TIAM2: variants seen among roughly 807,000 people sequenced by gnomAD.
The protein encoded by TIAM2 is rho guanine nucleotide exchange factor TIAM2.
Under a neutral mutation model 152.9 loss-of-function variants are expected in TIAM2, and 80 were observed. The observed-to-expected ratio is 0.52, with a 90% confidence interval of 0.44 to 0.63. The LOEUF (loss-of-function observed/expected upper bound fraction) is 0.63, where lower values mean the gene tolerates loss of function less well. Ranked by LOEUF, TIAM2 falls within the 30% of genes least tolerant of loss-of-function variation. The probability of loss-of-function intolerance (pLI) is 0.00; values close to 1 mark genes in which losing one functional copy is unlikely to be tolerated. For missense variants in TIAM2, 1,965 were observed against 2,120.1 expected (o/e 0.93, Z 1.44); for synonymous variants, 804 against 838.0 (o/e 0.96, Z 0.70).
intron 10 of TIAM2, among the ~76,000 whole-genome samples, chr6:155,178,019 G>A (rs1780795678): frequency 6.6e-6 from 1 of 152,020 alleles, no homozygotes; most frequent in African/African-American, 2.4e-5. Flanking sequence ...AAATTAGCTG[G>A]GTGTGGTGGC....
At chr6:155,046,246 G>T (rs1257774370) in intron 1 of TIAM2, among the ~76,000 whole-genome samples, 2 of 150,536 alleles carry the variant, frequency 1.3e-5, no homozygotes, top group African/African-American at 4.9e-5. Context: ...CAGCATTGCT[G>T]TTTGTTTTAT....
chr6:155,053,100 A>G (rs2114926318), intron 1 of TIAM2, among the ~76,000 whole-genome samples: 1 of 152,340 alleles, frequency 6.6e-6, no homozygotes, highest in South Asian at 2.1e-4. Flanking sequence ...ATAGGATAAA[A>G]ATGGACCATT....
chr6:155,100,996 C>T (rs941281046), intron 2 of TIAM2, among the ~76,000 whole-genome samples: 3 of 152,132 alleles, frequency 2.0e-5, no homozygotes, highest in Middle Eastern at 3.2e-3. Flanking sequence ...ATGAATTGCA[C>T]GTCAGTTGTA....
chr6:154,996,634 C>A (rs1321533886), intron 1 of TIAM2, among the ~76,000 whole-genome samples: 1 of 152,146 alleles, frequency 6.6e-6, no homozygotes, highest in African/African-American at 2.4e-5. Context: ...AGGTGCGGAT[C>A]ATATGCTATA....
intron 4 of TIAM2, 61 bp downstream of exon 4, chr6:155,130,478 A>C (rs911746564): frequency 2.1e-5 from 32 of 1,489,750 alleles, no homozygotes; most frequent in Non-Finnish European, 2.9e-5. Context: ...GAGAAGGGGA[A>C]GGTTAGTAGA....
intron 1 of TIAM2, among the ~76,000 whole-genome samples, chr6:155,087,702 T>G (rs965785611): frequency 6.6e-6 from 1 of 151,998 alleles, no homozygotes; most frequent in South Asian, 2.1e-4. Context: ...TGAGCTGAGA[T>G]CGCGCCATTA....
chr6:155,000,991 C>A (rs931724748), intron 1 of TIAM2, among the ~76,000 whole-genome samples: 12 of 151,882 alleles, frequency 7.9e-5, no homozygotes, highest in Admixed American at 3.3e-4. Context: ...CTCAAACAAA[C>A]AAACAAAAAA....
At chr6:155,106,148 G>A (rs926998286) in intron 2 of TIAM2, among the ~76,000 whole-genome samples, 22 of 151,858 alleles carry the variant, frequency 1.4e-4, no homozygotes, top group African/African-American at 4.6e-4. Flanking sequence ...GGGATTACAG[G>A]CGTGTATCAC....
In TIAM2 at chr6:155,200,204, A is replaced by C. The variant is rs111355118; in HGVS notation, c.3065-11000A>C. ...GATTCTTATCTGAGGGTTGGGACTG[A>C]TGATCAGAAAGGTCTTGTGATCATC... is the stretch of plus-strand genomic sequence containing the variant. On this transcript the variant is annotated intron_variant, in intron 14 of 26. Coordinates refer to ENST00000682666, the MANE Select transcript of TIAM2 (RefSeq NM_012454.4). Among the ~76,000 whole-genome samples the C allele has an allele frequency of 2.9e-3, 438 of 152,320 alleles. 4 individuals carry two copies. Among genetic ancestry groups the C allele is most frequent in the African/African-American group, 9.8e-3 (408 of 41,572 alleles).
At chr6:155,049,787 C>T (rs568028507) in intron 1 of TIAM2, among the ~76,000 whole-genome samples, 7,304 of 134,396 alleles carry the variant, frequency 0.054, 603 homozygotes, top group African/African-American at 0.2. Context: ...TTTTAAATTA[C>T]AAAAGTATCT....
In TIAM2 at chr6:155,252,049, T is replaced by G. The variant is rs767818256; in HGVS notation, c.4119+46T>G. The stretch of plus-strand genomic sequence containing the variant: ...AATTTAAGCTACCTTTTCATAGCTG[T>G]ATCTTCCTATTAACGTTGAACTGAA... On this transcript the variant is annotated intron_variant, in intron 23 of 26. Transcript: ENST00000682666. 4.1e-6 allele frequency: 6 copies of G among 1,468,338 alleles called. No homozygotes were observed. The East Asian group carries it at 1.4e-4, about 33-fold the overall frequency. 91.0% of individuals were successfully genotyped at this position (1,468,338 alleles called of 1,614,324 possible). A position where few individuals can be genotyped will look rare whatever the true frequency, so the allele number is the denominator to read the frequency against.
chr6:155,192,493 T>G (rs935797516), intron 14 of TIAM2, among the ~76,000 whole-genome samples: 1 of 152,232 alleles, frequency 6.6e-6, no homozygotes, highest in Admixed American at 6.5e-5. Context: ...GCTTTAGTTA[T>G]GCGGGCCACA....
intron 14 of TIAM2, among the ~76,000 whole-genome samples, chr6:155,208,520 C>T (rs1781643889): frequency 6.6e-6 from 1 of 152,026 alleles, no homozygotes; most frequent in Non-Finnish European, 1.5e-5. Flanking sequence ...TCTGGACTCC[C>T]CGACCACTGA....
At chr6:155,079,707 G>T (rs1242015656) in intron 1 of TIAM2, among the ~76,000 whole-genome samples, 2 of 152,250 alleles carry the variant, frequency 1.3e-5, no homozygotes, top group Non-Finnish European at 2.9e-5. Flanking sequence ...AGCACTTTGG[G>T]AGGCCTAGGC....
At chr6:155,200,235 C>T (rs1352536057) in intron 14 of TIAM2, among the ~76,000 whole-genome samples, 2 of 152,136 alleles carry the variant, frequency 1.3e-5, no homozygotes, top group Non-Finnish European at 2.9e-5. Context: ...TCATCTGGGG[C>T]TTTCTCAGTT....
chr6:155,251,847 G>A (rs1394894154), intron 22 of TIAM2, 98 bp from the exon 23 acceptor site: 3 of 923,738 alleles, frequency 3.2e-6, no homozygotes, highest in Admixed American at 2.6e-5. Context: ...AGACTCATAC[G>A]TTTGGAGAGT....
intron 2 of TIAM2, among the ~76,000 whole-genome samples, chr6:155,118,435 C>CTTTTTTT (rs869154446): frequency 8.6e-5 from 3 of 34,858 alleles, no homozygotes; most frequent in Non-Finnish European, 1.4e-4. Flanking sequence ...TTTTCTTTTT[C>CTTTTTTT]TTTTTTTTTT....
intron 1 of TIAM2, among the ~76,000 whole-genome samples, chr6:155,038,951 T>A (rs1776970273): frequency 8.3e-6 from 1 of 120,112 alleles, no homozygotes; most frequent in South Asian, 2.7e-4. Flanking sequence ...TGTGAGCATG[T>A]CCTTTTTTTT....
chr6:155,248,771 C>G lies in TIAM2; in HGVS notation c.3832+592C>G, dbSNP rs552375710. On this transcript the variant is annotated intron_variant, in intron 20 of 26. Coordinates refer to ENST00000682666, the MANE Select transcript of TIAM2 (RefSeq NM_012454.4). ...TGCAGTTTGATAGTAAATAGAGGAT[C>G]CTTAAAGAGGGGCTTTATTTGGGTT... Among the ~76,000 whole-genome samples the G allele has an allele frequency of 2.3e-4, 35 of 152,252 alleles. No homozygotes were observed. In the South Asian group the frequency reaches 7.1e-3, roughly 31 times the overall value.
Sources: gnomAD v4.1 joint callset for allele counts (sites outside exome capture counted in the v4.1 genomes callset) on GRCh38, gnomAD v4.1.1 for gene constraint, MANE v1.5 for transcripts, NCBI Gene and HGNC (gene_info 2026-07-23, HGNC 2026-07-21) for gene names.